ACAP2: variants seen among roughly 807,000 people sequenced by gnomAD.
ACAP2 encodes the protein ArfGAP with coiled-coil, ankyrin repeat and PH domains 2, also known as arf-GAP with coiled-coil, ANK repeat and PH domain-containing protein 2.
A neutral mutation model predicts 115.8 loss-of-function variants in ACAP2; 39 were observed. That is an observed-to-expected ratio of 0.34 (90% CI 0.26 to 0.44). ACAP2 has a LOEUF of 0.44. Among genes scored for constraint, ACAP2 ranks in the 20% least tolerant of loss-of-function variants. The probability of loss-of-function intolerance (pLI) is 1.00; values close to 1 mark genes in which losing one functional copy is unlikely to be tolerated. For synonymous variants in ACAP2, 289 were observed against 315.8 expected (o/e 0.92, Z 0.90); for missense variants, 662 against 927.6 (o/e 0.71, Z 3.72).
intron 1 of ACAP2, among the ~76,000 whole-genome samples, chr3:195,425,026 CAAAAAAAAAAA>C (rs10690317): frequency 0.021 from 558 of 26,646 alleles, 18 homozygotes; most frequent in Non-Finnish European, 0.026. Context: ...GACTCCGTCT[CAAAAAAAAAAA>C]AAAAAAAAAA....
intron 22 of ACAP2, 61 bp from the exon 23 acceptor site, chr3:195,279,489 C>A (rs1577223995): frequency 1.8e-6 from 2 of 1,092,280 alleles, no homozygotes; most frequent in East Asian, 5.4e-5. Context: ...AAACAACATT[C>A]ATATTTATTA....
At chr3:195,415,114 T>C (rs531549259) in intron 1 of ACAP2, among the ~76,000 whole-genome samples, 1 of 152,090 alleles carries the variant, frequency 6.6e-6, no homozygotes, top group South Asian at 2.1e-4. Flanking sequence ...CCATGGACTT[T>C]GGGTGATAAT....
At chr3:195,342,888 C>A (rs2108650667) in intron 5 of ACAP2, among the ~76,000 whole-genome samples, 1 of 151,642 alleles carries the variant, frequency 6.6e-6, no homozygotes, top group South Asian at 2.1e-4. Context: ...CCCAGTTACT[C>A]AGGAGGCTGA....
Position 195,301,210 on chromosome 3 carries a change from T to C in ACAP2, c.1395+365A>G, listed in dbSNP as rs571878492. The stretch of plus-strand genomic sequence containing the variant: ...ACGCCATTCTCCTGCCTCAGCCTCC[T>C]GAGTAGCTAGGACTACAGGCACCCG... On this transcript the variant is annotated intron_variant, in intron 15 of 22. Coordinates refer to ENST00000326793, the MANE Select transcript of ACAP2 (RefSeq NM_012287.6). Among the ~76,000 whole-genome samples, 730 of 152,030 alleles carry C rather than the reference T, an allele frequency of 4.8e-3. 3 individuals carry two copies. The highest frequency in any genetic ancestry group is 8.6e-3 in the Non-Finnish European group (581 of 67,932).
chr3:195,392,973 A>C lies in ACAP2; in HGVS notation c.54-826T>G, dbSNP rs1259259043. Among the ~76,000 whole-genome samples, 3 of 152,292 alleles carry C rather than the reference A, an allele frequency of 2.0e-5. No individual in the cohort carries two copies. The East Asian group carries it at 5.8e-4, about 29-fold the overall frequency. ...AGTAGGTATTTTAAGATTTAACTAA[A>C]TTTTTAAGTTGGATAGTAATGGGGG... is the stretch of plus-strand genomic sequence containing the variant. On this transcript the variant is annotated intron_variant, in intron 1 of 22. Transcript: ENST00000326793.
rs34038109 is a variant in ACAP2 at position 195,424,915 on chromosome 3, TAAAAAAAAAAAA to T, written c.53+17868_53+17879del. ...TGAGTGATAGAGTGAGACCCTGTCT[TAAAAAAAAAAAA>T]AAAAAAAAAAAAAAAAAGGTTTTAA... On this transcript the variant is annotated intron_variant, in intron 1 of 22. Coordinates refer to ENST00000326793, the MANE Select transcript of ACAP2 (RefSeq NM_012287.6). Among the ~76,000 whole-genome samples, 79 of 55,642 alleles carry T rather than the reference TAAAAAAAAAAAA, an allele frequency of 1.4e-3. 1 individual carries two copies. The highest frequency in any genetic ancestry group is 4.6e-3 in the African/African-American group (65 of 14,166). The allele number at this position is 55,642 out of a possible 152,430, so 36.5% of individuals were successfully genotyped here. A position where few individuals can be genotyped will look rare whatever the true frequency, so the allele number is the denominator to read the frequency against.
chr3:195,438,967 A>C (rs1288656799), intron 1 of ACAP2, among the ~76,000 whole-genome samples: 2 of 152,126 alleles, frequency 1.3e-5, no homozygotes, highest in African/African-American at 4.8e-5. Flanking sequence ...AGGCTGAGGC[A>C]GGAGAACTGC....
rs1577289582 is a variant in ACAP2, at chr3:195,317,113, G to C, written c.857+3588C>G. On this transcript the variant is annotated intron_variant, in intron 10 of 22. Transcript: ENST00000326793. ...GGGTTTCACCATGTTGGCCAGGCTG[G>C]TCTCAAACTCCTGACCTCAAGTGAT... Among the ~76,000 whole-genome samples, 3 of 151,830 alleles carry C rather than the reference G, an allele frequency of 2.0e-5. No individual in the cohort carries two copies. In the East Asian group the frequency reaches 5.8e-4, roughly 29 times the overall value.
At chr3:195,380,179 T>C (rs1050879075) in intron 4 of ACAP2, among the ~76,000 whole-genome samples, 6 of 152,156 alleles carry the variant, frequency 3.9e-5, no homozygotes, top group Admixed American at 6.5e-5. Context: ...CTCAAGCAGA[T>C]ACTTGTACAT....
chr3:195,441,849 C>T (rs1374348843), intron 1 of ACAP2: 1 of 152,244 alleles, frequency 6.6e-6, no homozygotes, highest in African/African-American at 2.4e-5. Context: ...CAGAAAGAAC[C>T]TGTGTCCTGG....
Position 195,302,017 on chromosome 3 carries a change from G to A in ACAP2, c.1274C>T (p.Ala425Val). The A allele has an allele frequency of 6.2e-7, 1 of 1,613,868 alleles. No individual in the cohort carries two copies. Among genetic ancestry groups the A allele is most frequent in the South Asian group, 1.1e-5 (1 of 91,074 alleles). The change falls in exon 14 of 23, where the codon GCC (alanine) becomes GTC (valine). Residue 425 changes from alanine (A) to valine (V), a missense_variant. Physicochemically the swap from Ala to Val is moderately conservative, Grantham distance 64. Around this residue, in one of 3 missense-constraint regions of ACAP2, gnomAD observed 401 missense variants for 604.4 expected, o/e 0.66. Coordinates refer to ENST00000326793, the MANE Select transcript of ACAP2 (RefSeq NM_012287.6). ...CDCGLADPRW[A>V]SINLGITLCI... ...CAAGGTGATGCCCAGGTTGATGCTG[G>A]CCCACCGTGGATCTGCCAGGCCACA...
intron 4 of ACAP2, among the ~76,000 whole-genome samples, chr3:195,352,652 G>A (rs1008958234): frequency 6.6e-6 from 1 of 152,144 alleles, no homozygotes; most frequent in Non-Finnish European, 1.5e-5. Context: ...TTTAAAATAT[G>A]ACAACAAATT....
intron 16 of ACAP2, among the ~76,000 whole-genome samples, chr3:195,296,271 CAAAT>C (rs1403553317): frequency 6.6e-6 from 1 of 151,666 alleles, no homozygotes; most frequent in East Asian, 1.9e-4. Context: ...CATGTTTACT[CAAAT>C]AAATAATTTC....
In ACAP2 at chr3:195,326,968, A is replaced by C. The variant is rs559448190; in HGVS notation, c.670-9T>G. Reference sequence around the variant, plus strand: ...ACAACCAGTCGATCCAACTGTAAAAAGGGAAAAGAGAAAACTGCAGACTTA... The same window carrying C: ...ACAACCAGTCGATCCAACTGTAAAACGGGAAAAGAGAAAACTGCAGACTTA... On this transcript the variant is annotated splice_polypyrimidine_tract_variant and intron_variant, in intron 8 of 22. Transcript: ENST00000326793. The C allele has an allele frequency of 6.2e-7, 1 of 1,612,390 alleles. No individual in the cohort carries two copies. Among genetic ancestry groups the C allele is most frequent in the Non-Finnish European group, 8.5e-7 (1 of 1,179,092 alleles).
chr3:195,324,692 T>C, intron 9 of ACAP2, among the ~76,000 whole-genome samples: 1 of 152,042 alleles, frequency 6.6e-6, no homozygotes, highest in Non-Finnish European at 1.5e-5. Flanking sequence ...AGGCGGAGGT[T>C]GTAGTGAGCA....
At chr3:195,301,871 A>T in intron 14 of ACAP2, 95 bp downstream of exon 14, 1 of 1,379,858 alleles carries the variant, frequency 7.2e-7, no homozygotes, top group Non-Finnish European at 1.0e-6. Context: ...TGATTAAATT[A>T]GGGAAGTGGA....
At position 195,279,283 on chromosome 3, in the gene ACAP2, A is replaced by G. The variant is rs1179972638; in HGVS notation, c.*45T>C. 4 of 1,369,848 alleles carry G rather than the reference A, an allele frequency of 2.9e-6. No homozygotes were observed. The highest frequency in any genetic ancestry group is 2.3e-5 in the East Asian group (1 of 42,820). The allele number at this position is 1,369,848 out of a possible 1,614,324, so 84.9% of individuals were successfully genotyped here. On this transcript the variant is annotated 3_prime_UTR_variant, in exon 23 of 23. Transcript: ENST00000326793. ...AAATTGTGATTTTTTAGCTGTATAC[A>G]TTAGGGGGTCACCAGATTTCATATT...
intron 4 of ACAP2, chr3:195,349,750 A>T (rs889913143): frequency 8.2e-6 from 2 of 244,382 alleles, no homozygotes; most frequent in African/African-American, 4.7e-5. Context: ...TCAGAAGCAC[A>T]TCCATGGAGT....
At chr3:195,342,995 A>C (rs1730976617) in intron 5 of ACAP2, among the ~76,000 whole-genome samples, 1 of 70,736 alleles carries the variant, frequency 1.4e-5, no homozygotes, top group African/African-American at 6.5e-5. Flanking sequence ...ACTCCGACTC[A>C]AAAAAAAAAA....
Sources: gnomAD v4.1 joint callset for allele counts (sites outside exome capture counted in the v4.1 genomes callset) on GRCh38, gnomAD v4.1.1 for gene constraint, gnomAD v4.1.1 regional missense constraint, MANE v1.5 for transcripts, NCBI Gene and HGNC (gene_info 2026-07-23, HGNC 2026-07-21) for gene names.